EXOC6B: variants seen among roughly 807,000 people sequenced by gnomAD.
EXOC6B encodes exocyst complex component 6B.
In EXOC6B, 54 loss-of-function variants were observed where a neutral mutation model predicts 113.5. The observed-to-expected ratio is 0.48, with a 90% CI of 0.38 to 0.60. The LOEUF is 0.60. Ranked by LOEUF, EXOC6B falls within the 20% of genes least tolerant of loss-of-function variation. The probability of loss-of-function intolerance (pLI) is 0.00; values close to 1 mark genes in which losing one functional copy is unlikely to be tolerated. For synonymous variants in EXOC6B, 357 were observed against 339.0 expected (o/e 1.05, Z -0.58); for missense variants, 797 against 977.5 (o/e 0.82, Z 2.46).
At chr2:72,641,599 G>C (rs1005188283) in intron 6 of EXOC6B, among the ~76,000 whole-genome samples, 3 of 152,256 alleles carry the variant, frequency 2.0e-5, no homozygotes, top group Admixed American at 6.5e-5. Flanking sequence ...GCTCTGCAAG[G>C]CTTGCTGTGT....
intron 1 of EXOC6B, among the ~76,000 whole-genome samples, chr2:72,743,036 C>G (rs1681429527): frequency 6.6e-6 from 1 of 152,188 alleles, no homozygotes; most frequent in Non-Finnish European, 1.5e-5. Context: ...TAAAGGCACA[C>G]TATACAATTG....
At chr2:72,228,581 C>T (rs1681405975) in intron 20 of EXOC6B, among the ~76,000 whole-genome samples, 1 of 152,116 alleles carries the variant, frequency 6.6e-6, no homozygotes, top group Non-Finnish European at 1.5e-5. Context: ...CATGTCCCTA[C>T]AAAGGACATG....
chr2:72,525,089 CG>C (rs1701688677), intron 8 of EXOC6B, among the ~76,000 whole-genome samples: 2 of 152,222 alleles, frequency 1.3e-5, no homozygotes, highest in Middle Eastern at 3.4e-3. Context: ...GCATCCCCTC[CG>C]GGGACCGACA....
At chr2:72,407,227 C>T (rs2105201925) in intron 18 of EXOC6B, among the ~76,000 whole-genome samples, 1 of 152,278 alleles carries the variant, frequency 6.6e-6, no homozygotes, top group South Asian at 2.1e-4. Context: ...TAATTAATAG[C>T]TTACCAGCCA....
intron 18 of EXOC6B, among the ~76,000 whole-genome samples, chr2:72,459,856 T>C (rs1697508951): frequency 6.6e-6 from 1 of 152,108 alleles, no homozygotes; most frequent in African/African-American, 2.4e-5. Flanking sequence ...AAAAAACTAC[T>C]GTAAAGTTCA....
chr2:72,655,188 TAGA>T (rs1434549945), intron 6 of EXOC6B, among the ~76,000 whole-genome samples: 1 of 152,168 alleles, frequency 6.6e-6, no homozygotes, highest in Admixed American at 6.5e-5. Flanking sequence ...ATTAAAATGC[TAGA>T]AGAAGTTTAT....
Position 72,741,433 on chromosome 2 carries a change from C to A in EXOC6B, c.150G>T (p.Met50Ile), listed in dbSNP as rs756727194. 24 of 1,613,386 alleles carry A rather than the reference C, an allele frequency of 1.5e-5. No individual in the cohort carries two copies. Among genetic ancestry groups the A allele is most frequent in the Non-Finnish European group, 1.9e-5 (23 of 1,179,758 alleles). ...TACGGATACGAGTTTCAAGCTTCTC[C>A]ATGAAACGTCCATGTTCTTCACCAT... ...VYDGEEHGRF[M>I]EKLETRIRNH... The change falls in exon 2 of 22, where the codon ATG becomes ATT. Residue 50 changes from methionine to isoleucine, a missense_variant. Transcript: ENST00000272427.
At chr2:72,385,190 A>T (rs1691926951) in intron 18 of EXOC6B, among the ~76,000 whole-genome samples, 2 of 152,120 alleles carry the variant, frequency 1.3e-5, no homozygotes, top group Non-Finnish European at 1.5e-5. Context: ...AGAACACAGA[A>T]CTCTGTAATA....
At chr2:72,534,412 A>G (rs1311442398) in intron 8 of EXOC6B, among the ~76,000 whole-genome samples, 1 of 152,148 alleles carries the variant, frequency 6.6e-6, no homozygotes, top group African/African-American at 2.4e-5. Flanking sequence ...AAAAAACAGA[A>G]GAAGAGTGAA....
intron 1 of EXOC6B, among the ~76,000 whole-genome samples, chr2:72,754,438 C>T (rs543602403): frequency 6.6e-6 from 1 of 151,800 alleles, no homozygotes; most frequent in Admixed American, 6.6e-5. Context: ...TGCTACATTG[C>T]CCAGGGTACT....
chr2:72,507,954 GAA>G (rs976240447), intron 11 of EXOC6B, among the ~76,000 whole-genome samples: 1 of 73,044 alleles, frequency 1.4e-5, no homozygotes, highest in Non-Finnish European at 3.0e-5. Flanking sequence ...CATTGCTTTA[GAA>G]AAAAAAAAAA....
At chr2:72,437,590 C>T (rs1695954698) in intron 18 of EXOC6B, among the ~76,000 whole-genome samples, 1 of 152,212 alleles carries the variant, frequency 6.6e-6, no homozygotes. Context: ...TTCAGAGACG[C>T]CCTGCCCAGA....
intron 18 of EXOC6B, among the ~76,000 whole-genome samples, chr2:72,434,539 C>CT (rs1271346326): frequency 5.9e-5 from 9 of 151,882 alleles, no homozygotes; most frequent in African/African-American, 2.2e-4. Context: ...TGGTCCTGGA[C>CT]TTTTTTTGGG....
chr2:72,652,209 G>GTAAT (rs1279887446), intron 6 of EXOC6B, among the ~76,000 whole-genome samples: 3 of 151,168 alleles, frequency 2.0e-5, no homozygotes, highest in Non-Finnish European at 4.4e-5. Flanking sequence ...AAAAGCCTGA[G>GTAAT]TAATTATACC....
chr2:72,656,664 T>C (rs1233270174), intron 6 of EXOC6B, among the ~76,000 whole-genome samples: 1 of 152,140 alleles, frequency 6.6e-6, no homozygotes, highest in Non-Finnish European at 1.5e-5. Context: ...AAATTCTTCT[T>C]TGAAGAATAT....
chr2:72,601,687 T>C (rs1415714505), intron 6 of EXOC6B, among the ~76,000 whole-genome samples: 1 of 152,148 alleles, frequency 6.6e-6, no homozygotes, highest in African/African-American at 2.4e-5. Context: ...CACAAATAAG[T>C]TGAAAATTTA....
intron 20 of EXOC6B, among the ~76,000 whole-genome samples, chr2:72,209,683 AC>A (rs1169822518): frequency 6.6e-6 from 1 of 152,244 alleles, no homozygotes; most frequent in Non-Finnish European, 1.5e-5. Context: ...GCAGAAAAAA[AC>A]AAATGGCTCC....
intron 19 of EXOC6B, among the ~76,000 whole-genome samples, chr2:72,370,360 CA>C (rs980036259): frequency 9.9e-5 from 15 of 152,250 alleles, no homozygotes; most frequent in African/African-American, 3.4e-4. Flanking sequence ...AGTCAGGAAA[CA>C]ACAGGTGCTG....
chr2:72,267,250 C>T (rs1684177034), intron 20 of EXOC6B, among the ~76,000 whole-genome samples: 1 of 152,150 alleles, frequency 6.6e-6, no homozygotes, highest in South Asian at 2.1e-4. Flanking sequence ...CCCTTTATTT[C>T]CTTCTCCTGC....
Sources: allele counts gnomAD v4.1 joint callset (sites outside exome capture counted in the v4.1 genomes callset), GRCh38; gene constraint gnomAD v4.1.1; transcripts MANE v1.5; gene names NCBI Gene and HGNC (gene_info 2026-07-23, HGNC 2026-07-21).